Variants in TMPRSS11F observed in about 807,000 individuals in gnomAD.
TMPRSS11F encodes transmembrane serine protease 11F.
In TMPRSS11F, 47 loss-of-function variants were observed where a neutral mutation model predicts 60.2. That is an observed-to-expected ratio of 0.78 (90% confidence interval 0.62 to 1.00). The LOEUF (loss-of-function observed/expected upper bound fraction) is 1.00. Ranked by LOEUF, TMPRSS11F falls within the 50% of genes least tolerant of loss-of-function variation. The pLI is 0.00. For missense variants in TMPRSS11F, 519 were observed against 522.9 expected (o/e 0.99, Z 0.07); for synonymous variants, 166 against 167.3 (o/e 0.99, Z 0.06).
Position 68,072,482 on chromosome 4 carries a change from C to T in TMPRSS11F, c.355G>A (p.Asp119Asn), listed in dbSNP as rs1157766870. Residue 119 changes from aspartate to asparagine, a missense_variant, in exon 5 of 10, where the codon GAT (aspartate) becomes AAT (asparagine). Physicochemically the swap from Asp to Asn is conservative, Grantham distance 23. Coordinates refer to ENST00000356291, the MANE Select transcript of TMPRSS11F (RefSeq NM_207407.2). ...ATAAGAATATCCACACCTTGTTCAT[C>T]TGGACTGAAGAACAAAAAAGCAGAT... ...IKSHVIKLSP[D>N]EQGVDILIVL... The T allele has an allele frequency of 6.5e-7, 1 of 1,534,010 alleles. No homozygotes were observed. The highest frequency in any genetic ancestry group is 8.8e-7 in the Non-Finnish European group (1 of 1,135,690).
chr4:68,097,754 A>T (rs974125573), intron 2 of TMPRSS11F, among the ~76,000 whole-genome samples: 3 of 152,070 alleles, frequency 2.0e-5, no homozygotes, highest in Admixed American at 2.0e-4. Flanking sequence ...CATTTTAAAA[A>T]CAAAACTATT....
At chr4:68,101,719 C>T (rs1362161063) in intron 1 of TMPRSS11F, among the ~76,000 whole-genome samples, 1 of 151,944 alleles carries the variant, frequency 6.6e-6, no homozygotes, top group Non-Finnish European at 1.5e-5. Context: ...TTTTATTGTG[C>T]ATATTTAAAG....
chr4:68,074,585 C>G (rs545400199), intron 3 of TMPRSS11F, among the ~76,000 whole-genome samples: 1 of 152,220 alleles, frequency 6.6e-6, no homozygotes, highest in Non-Finnish European at 1.5e-5. Flanking sequence ...TGCCATGTGA[C>G]TCTGACACCC....
chr4:68,108,481 A>C (rs1489308848), intron 1 of TMPRSS11F, among the ~76,000 whole-genome samples: 1 of 152,152 alleles, frequency 6.6e-6, no homozygotes, highest in African/African-American at 2.4e-5. Flanking sequence ...GCTGAATTTC[A>C]CACGGACTAC....
intron 8 of TMPRSS11F, 84 bp downstream of exon 8, chr4:68,064,601 G>T: frequency 1.4e-6 from 2 of 1,450,678 alleles, no homozygotes; most frequent in South Asian, 1.3e-5. Flanking sequence ...TTTATTAAAA[G>T]CTTAAGAGGG....
At chr4:68,067,787 T>C (rs374601763) in intron 7 of TMPRSS11F, among the ~76,000 whole-genome samples, 9 of 152,188 alleles carry the variant, frequency 5.9e-5, no homozygotes, top group African/African-American at 2.2e-4. Context: ...CCTCTGAGAA[T>C]CACCAGGGAT....
At chr4:68,092,051 G>A (rs1723954445) in intron 2 of TMPRSS11F, among the ~76,000 whole-genome samples, 1 of 152,084 alleles carries the variant, frequency 6.6e-6, no homozygotes, top group African/African-American at 2.4e-5. Context: ...CTCCCAAAGT[G>A]CTGGGATTAC....
intron 8 of TMPRSS11F, chr4:68,063,384 T>A: frequency 2.6e-6 from 1 of 386,682 alleles, no homozygotes; most frequent in Non-Finnish European, 5.0e-6. Flanking sequence ...TGTTTTTGTT[T>A]TTGTTTGTTT....
At chr4:68,067,502 A>G (rs544633183) in intron 7 of TMPRSS11F, among the ~76,000 whole-genome samples, 3 of 151,204 alleles carry the variant, frequency 2.0e-5, no homozygotes, top group African/African-American at 7.3e-5. Flanking sequence ...ATTTACATAA[A>G]GAGAGATCAG....
chr4:68,065,360 G>C (rs1471545219), intron 7 of TMPRSS11F, among the ~76,000 whole-genome samples: 2 of 152,148 alleles, frequency 1.3e-5, no homozygotes, highest in East Asian at 3.9e-4. Context: ...TCGTTGAAGT[G>C]AAGCGTAATT....
At chr4:68,105,978 T>C (rs1724296030) in intron 1 of TMPRSS11F, among the ~76,000 whole-genome samples, 1 of 152,186 alleles carries the variant, frequency 6.6e-6, no homozygotes, top group South Asian at 2.1e-4. Context: ...AACCGATACA[T>C]CTGTTAAAAA....
At chr4:68,061,672 T>G (rs1474299800) in intron 8 of TMPRSS11F, 4 of 377,076 alleles carry the variant, frequency 1.1e-5, no homozygotes, top group African/African-American at 2.1e-5. Context: ...AAAATGTATT[T>G]TCACATTACT....
chr4:68,095,555 GAT>G (rs1332436718), intron 2 of TMPRSS11F, among the ~76,000 whole-genome samples: 2 of 152,154 alleles, frequency 1.3e-5, no homozygotes, highest in Non-Finnish European at 2.9e-5. Flanking sequence ...TGGGAACTGA[GAT>G]GCACTGCTGG....
intron 2 of TMPRSS11F, among the ~76,000 whole-genome samples, chr4:68,093,894 A>G (rs1004814991): frequency 1.5e-5 from 2 of 131,664 alleles, no homozygotes; most frequent in African/African-American, 5.2e-5. Flanking sequence ...AAAAGTCAGG[A>G]AACAACAGGT....
intron 8 of TMPRSS11F, chr4:68,061,970 T>C: frequency 2.2e-6 from 1 of 452,442 alleles, no homozygotes; most frequent in Non-Finnish European, 4.4e-6. Flanking sequence ...TTTAGTGCTA[T>C]AGAGAGGAAC....
intron 3 of TMPRSS11F, among the ~76,000 whole-genome samples, chr4:68,074,934 A>C (rs140070719): frequency 6.6e-6 from 1 of 152,352 alleles, no homozygotes; most frequent in African/African-American, 2.4e-5. Context: ...CATTTCTACC[A>C]AAAATACAAA....
At chr4:68,085,421 G>A (rs1006006572) in intron 3 of TMPRSS11F, among the ~76,000 whole-genome samples, 3 of 152,082 alleles carry the variant, frequency 2.0e-5, no homozygotes. Flanking sequence ...TGTAATGATT[G>A]CCATTCTAAC....
chr4:68,100,238 G>T (rs564012287), intron 1 of TMPRSS11F, among the ~76,000 whole-genome samples: 28 of 152,214 alleles, frequency 1.8e-4, no homozygotes, highest in African/African-American at 6.7e-4. Flanking sequence ...AAGAGGATAT[G>T]GTAGAGCTGG....
intron 3 of TMPRSS11F, chr4:68,080,358 G>A (rs1436781290): frequency 1.3e-5 from 2 of 152,198 alleles, no homozygotes; most frequent in Admixed American, 6.5e-5. Context: ...AAATGATAAT[G>A]AGTTGTGAGA....
Sources: allele counts gnomAD v4.1 joint callset (sites outside exome capture counted in the v4.1 genomes callset), GRCh38; gene constraint gnomAD v4.1.1; transcripts MANE v1.5; gene names NCBI Gene and HGNC (gene_info 2026-07-23, HGNC 2026-07-21).